The following AUH variants were observed in gnomAD, a reference collection of about 807,000 sequenced individuals.
AUH encodes the protein AU RNA binding methylglutaconyl-CoA hydratase, also known as methylglutaconyl-CoA hydratase, mitochondrial.
Under a neutral mutation model 42.3 loss-of-function variants are expected in AUH, and 29 were observed. That is an observed-to-expected ratio of 0.69 (90% CI 0.51 to 0.93). The LOEUF (loss-of-function observed/expected upper bound fraction) is 0.93. Ranked by LOEUF, AUH falls within the 40% of genes least tolerant of loss-of-function variation. The pLI is 0.00. For synonymous variants in AUH, 174 were observed against 166.4 expected (o/e 1.05, Z -0.35); for missense variants, 452 against 438.1 (o/e 1.03, Z -0.28).
chr9:91,329,695 T>A (rs1166545474), intron 3 of AUH, among the ~76,000 whole-genome samples: 1 of 152,212 alleles, frequency 6.6e-6, no homozygotes, highest in African/African-American at 2.4e-5. Context: ...GTCTTGCCTT[T>A]CACTTTCTTG....
intron 6 of AUH, among the ~76,000 whole-genome samples, chr9:91,245,900 G>C (rs768215888): frequency 2.0e-5 from 3 of 152,088 alleles, no homozygotes; most frequent in Non-Finnish European, 2.9e-5. Context: ...CATCCTTCTT[G>C]TCTAAAGCTG....
At position 91,248,462 on chromosome 9, in the gene AUH, A is replaced by C. The variant is rs74359390; in HGVS notation, c.656-27470T>G. 1.3e-4 allele frequency among the ~76,000 whole-genome samples: 20 copies of C among 152,356 alleles called. No individual in the cohort carries two copies. The East Asian group carries it at 3.9e-3, about 29-fold the overall frequency. On this transcript the variant is annotated intron_variant, in intron 6 of 9. Transcript: ENST00000375731. ...AGTTCCTAACAATATTGGATTTTAG[A>C]CAAAGAAAGCACAACCTAAAAGGAG...
intron 4 of AUH, among the ~76,000 whole-genome samples, chr9:91,303,353 G>T (rs1002052265): frequency 6.6e-6 from 1 of 151,858 alleles, no homozygotes; most frequent in Non-Finnish European, 1.5e-5. Flanking sequence ...TTTTGAAACG[G>T]AGTCTCTTGC....
intron 6 of AUH, among the ~76,000 whole-genome samples, chr9:91,233,341 T>C (rs1363020349): frequency 6.6e-6 from 1 of 152,132 alleles, no homozygotes; most frequent in Non-Finnish European, 1.5e-5. Context: ...TTGCAACTGA[T>C]TCACTTGTGG....
chr9:91,324,772 A>C (rs1180986360), intron 4 of AUH, among the ~76,000 whole-genome samples: 1 of 151,908 alleles, frequency 6.6e-6, no homozygotes, highest in Non-Finnish European at 1.5e-5. Context: ...AAAATGAACA[A>C]ATGATAACTG....
chr9:91,261,166 T>A (rs1310472700), intron 6 of AUH, among the ~76,000 whole-genome samples: 1 of 152,150 alleles, frequency 6.6e-6, no homozygotes, highest in Non-Finnish European at 1.5e-5. Flanking sequence ...CTCTACTACT[T>A]TTTTATTGGT....
rs540591466 is a variant in AUH, at chr9:91,359,596, G to A, written c.262+2032C>T. ...AAAAGAAAAAAAAAGAAAAGAAAAG[G>A]AAATTTGGTTATAGAGCTATGCCTC... On this transcript the variant is annotated intron_variant, in intron 1 of 9. Coordinates refer to ENST00000375731, the MANE Select transcript of AUH (RefSeq NM_001698.3). 4.6e-5 allele frequency among the ~76,000 whole-genome samples: 7 copies of A among 152,052 alleles called. No individual in the cohort carries two copies. The East Asian group carries it at 1.3e-3, about 29-fold the overall frequency.
chr9:91,221,255 A>G (rs2281921), intron 6 of AUH, among the ~76,000 whole-genome samples: 1 of 151,982 alleles, frequency 6.6e-6, no homozygotes, highest in Non-Finnish European at 1.5e-5. Context: ...TCTGGTATAC[A>G]CTGAGTCCAA....
At chr9:91,284,287 CCTTATAA>C (rs1472570978) in intron 6 of AUH, among the ~76,000 whole-genome samples, 1 of 152,122 alleles carries the variant, frequency 6.6e-6, no homozygotes, top group African/African-American at 2.4e-5. Flanking sequence ...TGGATCCCTT[CCTTATAA>C]CTTATACAAA....
rs573688707 is a variant in AUH at position 91,348,552 on chromosome 9, T to C, written c.418+7331A>G. On this transcript the variant is annotated intron_variant, in intron 3 of 9. Transcript: ENST00000375731. ...AACAGTCATACAATAAATACTATTC[T>C]CAGCAATAAAATAAAATACATGCCA... 6.6e-5 allele frequency among the ~76,000 whole-genome samples: 10 copies of C among 152,202 alleles called. No homozygotes were observed. In the East Asian group the frequency reaches 1.9e-3, roughly 29 times the overall value.
rs1190705580 is a variant in AUH, at chr9:91,349,652, G to GGT, written c.418+6229_418+6230dup. Among the ~76,000 whole-genome samples the GGT allele has an allele frequency of 9.4e-5, 14 of 148,930 alleles. 1 individual carries two copies. Among genetic ancestry groups the GGT allele is most frequent in the Non-Finnish European group, 1.8e-4 (12 of 67,500 alleles). On this transcript the variant is annotated intron_variant, in intron 3 of 9. Coordinates refer to ENST00000375731, the MANE Select transcript of AUH (RefSeq NM_001698.3). ...TTGTGTGTGTGTGTATGTGTGTGTG[G>GGT]GTGTGTGTATGTAAGGCAGAGAGAC... is the stretch of plus-strand genomic sequence containing the variant.
chr9:91,309,153 T>C (rs1399092404), intron 4 of AUH, among the ~76,000 whole-genome samples: 1 of 151,774 alleles, frequency 6.6e-6, no homozygotes, highest in African/African-American at 2.4e-5. Flanking sequence ...GGCTCATGCC[T>C]GTAATCCCAG....
chr9:91,312,751 T>C (rs916290970), intron 4 of AUH, among the ~76,000 whole-genome samples: 4 of 152,078 alleles, frequency 2.6e-5, no homozygotes, highest in Non-Finnish European at 5.9e-5. Context: ...AAAAAAAAAT[T>C]CCTGAAAATT....
At chr9:91,281,033 C>A (rs1162671333) in intron 6 of AUH, among the ~76,000 whole-genome samples, 1 of 152,066 alleles carries the variant, frequency 6.6e-6, no homozygotes, top group Non-Finnish European at 1.5e-5. Flanking sequence ...GTTTACTCAG[C>A]TTCTTAAATC....
chr9:91,341,774 T>C (rs1156845744), intron 3 of AUH, among the ~76,000 whole-genome samples: 1 of 151,976 alleles, frequency 6.6e-6, no homozygotes, highest in Non-Finnish European at 1.5e-5. Context: ...AATCAATAAG[T>C]AAAAAATAAA....
intron 6 of AUH, among the ~76,000 whole-genome samples, chr9:91,271,328 T>A (rs1056903808): frequency 1.3e-5 from 2 of 152,248 alleles, no homozygotes; most frequent in Non-Finnish European, 2.9e-5. Flanking sequence ...AATTAATACA[T>A]GCAGCTGGTG....
At chr9:91,297,715 C>T (rs748077576) in intron 5 of AUH, among the ~76,000 whole-genome samples, 5 of 152,150 alleles carry the variant, frequency 3.3e-5, no homozygotes, top group Admixed American at 6.5e-5. Flanking sequence ...ACCTCAGCCT[C>T]CCAAAGTGCT....
chr9:91,287,872 G>A (rs1826540530), intron 6 of AUH, among the ~76,000 whole-genome samples: 1 of 152,006 alleles, frequency 6.6e-6, no homozygotes, highest in East Asian at 1.9e-4. Context: ...TTGATTCTTA[G>A]AAAACGTATG....
intron 4 of AUH, among the ~76,000 whole-genome samples, chr9:91,312,333 G>A (rs1024883392): frequency 1.3e-5 from 2 of 152,178 alleles, no homozygotes; most frequent in African/African-American, 4.8e-5. Context: ...GGCAAGAGGG[G>A]AAAATGGTAC....
Sources: gnomAD v4.1 joint callset for allele counts (sites outside exome capture counted in the v4.1 genomes callset) on GRCh38, gnomAD v4.1.1 for gene constraint, MANE v1.5 for transcripts, NCBI Gene and HGNC (gene_info 2026-07-23, HGNC 2026-07-21) for gene names.